Variants in CP observed in about 807,000 individuals in gnomAD.
The protein encoded by CP is ceruloplasmin, also known as caeruloplasmin.
Under a neutral mutation model 122.4 loss-of-function variants are expected in CP, and 64 were observed. The ratio of observed to expected loss-of-function variants is 0.52; its 90% confidence interval spans 0.43 to 0.64. CP has a LOEUF of 0.64. Among genes scored for constraint, CP ranks in the 30% least tolerant of loss-of-function variants. The pLI, the probability that CP is intolerant of heterozygous loss-of-function variation, is 0.00. For missense variants in CP, 1,167 were observed against 1,284.4 expected (o/e 0.91, Z 1.40); for synonymous variants, 440 against 436.4 (o/e 1.01, Z -0.10).
chr3:149,178,153 TC>T (rs1350905817), intron 16 of CP, among the ~76,000 whole-genome samples, 174 bp from the exon 17 acceptor site: 2 of 152,214 alleles, frequency 1.3e-5, no homozygotes, highest in African/African-American at 4.8e-5. Context: ...ACATTGCTTT[TC>T]TAGGCACTTT....
chr3:149,171,999 C>T (rs1725041486), downstream of CP: 2 of 1,267,008 alleles, frequency 1.6e-6, no homozygotes, highest in South Asian at 1.2e-5. Context: ...GCCACCACGC[C>T]TGGCCTGAAC....
intron 7 of CP, among the ~76,000 whole-genome samples, chr3:149,200,282 T>G (rs1403234467): frequency 6.6e-6 from 1 of 152,196 alleles, no homozygotes; most frequent in Non-Finnish European, 1.5e-5. Context: ...AACACTGTTT[T>G]GGATTTTCCA....
chr3:149,179,748 A>G, intron 14 of CP, 86 bp from the exon 15 acceptor site: 1 of 837,500 alleles, frequency 1.2e-6, no homozygotes, highest in Non-Finnish European at 2.0e-6. Flanking sequence ...ACACACACAC[A>G]CAGCCTTGAT....
chr3:149,181,985 AC>A lies in CP; in HGVS notation c.2554+19del, dbSNP rs765748551. 7 of 409,008 alleles carry A rather than the reference AC, an allele frequency of 1.7e-5. No individual in the cohort carries two copies. Among genetic ancestry groups the A allele is most frequent in the Non-Finnish European group, 3.2e-5 (7 of 221,002 alleles). The allele number at this position is 409,008 out of a possible 1,614,324, so 25.3% of individuals were successfully genotyped here. A position where few individuals can be genotyped will look rare whatever the true frequency, so the allele number is the denominator to read the frequency against. On this transcript the variant is annotated intron_variant, in intron 14 of 18. Coordinates refer to ENST00000264613, the MANE Select transcript of CP (RefSeq NM_000096.4). ...CAGCCTGTTAAAATGCACCACCCCC[AC>A]CCCCGCCCCCGTGAGTACCTGGTAA...
At chr3:149,202,352 T>C (rs888201142) in intron 6 of CP, 111 bp from the exon 7 acceptor site, 1 of 1,354,830 alleles carries the variant, frequency 7.4e-7, no homozygotes, top group African/African-American at 1.4e-5. Flanking sequence ...TAGAGATGAA[T>C]ATTATCCATG....
At chr3:149,215,109 T>C (rs756524701) in intron 1 of CP, among the ~76,000 whole-genome samples, 1 of 152,242 alleles carries the variant, frequency 6.6e-6, no homozygotes, top group Non-Finnish European at 1.5e-5. Flanking sequence ...CATGTCCTAT[T>C]GGTACACATC....
chr3:149,198,737 C>T (rs1438205683), intron 8 of CP, among the ~76,000 whole-genome samples, 159 bp from the exon 9 acceptor site: 3 of 152,188 alleles, frequency 2.0e-5, no homozygotes, highest in East Asian at 1.9e-4. Flanking sequence ...GATAACAGAC[C>T]GATGTGATTG....
Position 149,176,429 on chromosome 3 carries a change from A to C in CP, c.3019-17T>G. ...TCCCCTGTGCTTAATTAGAAAAATG[A>C]CAAATAATGTATAATATTGTATATG... On this transcript the variant is annotated splice_polypyrimidine_tract_variant and intron_variant, in intron 17 of 18. Transcript: ENST00000264613. The C allele has an allele frequency of 6.4e-7, 1 of 1,572,122 alleles. No homozygotes were observed. Among genetic ancestry groups the C allele is most frequent in the African/African-American group, 1.3e-5 (1 of 74,166 alleles).
In CP at chr3:149,179,711, T is replaced by TACAC. The variant is rs71304221; in HGVS notation, c.2555-53_2555-50dup. 51,249 of 605,014 alleles carry TACAC rather than the reference T, an allele frequency of 0.085. 1,194 individuals are homozygous for TACAC. The highest frequency in any genetic ancestry group is 0.12 in the African/African-American group (6,132 of 52,232). The allele number at this position is 605,014 out of a possible 1,614,324, so 37.5% of individuals were successfully genotyped here. On this transcript the variant is annotated intron_variant, in intron 14 of 18. Coordinates refer to ENST00000264613, the MANE Select transcript of CP (RefSeq NM_000096.4). ...ATCTGGTTGTATTTGGTTTATATTG[T>TACAC]ACACACACACACACACACACACACA...
At chr3:149,214,978 A>G (rs1230090554) in intron 1 of CP, among the ~76,000 whole-genome samples, 2 of 152,214 alleles carry the variant, frequency 1.3e-5, no homozygotes, top group Non-Finnish European at 1.5e-5. Flanking sequence ...GGAACCCTGG[A>G]CCAATCAATC....
In CP at chr3:149,176,549, A is replaced by G. The variant is rs182657778; in HGVS notation, c.3019-137T>C. On this transcript the variant is annotated intron_variant, in intron 17 of 18. Coordinates refer to ENST00000264613, the MANE Select transcript of CP (RefSeq NM_000096.4). ...AAAAATCGAGCTCGTTTCTGTGTTT[A>G]ATACAAATGGTAAAATGTGGTTTTT... 13 of 698,284 alleles carry G rather than the reference A, an allele frequency of 1.9e-5. No homozygotes were observed. In the East Asian group the frequency reaches 3.0e-4, roughly 16 times the overall value. The allele number at this position is 698,284 out of a possible 1,614,324, so 43.3% of individuals were successfully genotyped here.
downstream of CP, among the ~76,000 whole-genome samples, chr3:149,170,907 G>A (rs1052966533): frequency 6.6e-6 from 1 of 152,124 alleles, no homozygotes; most frequent in African/African-American, 2.4e-5. Context: ...CCGGGAGAGG[G>A]CAGCATGTAT....
At position 149,186,579 on chromosome 3, in the gene CP, T is replaced by C. The variant is rs1726186217; in HGVS notation, c.2018A>G (p.Asp673Gly). 6.2e-7 allele frequency: 1 copy of C among 1,614,072 alleles called. No individual in the cohort carries two copies. Among genetic ancestry groups the C allele is most frequent in the Admixed American group, 1.7e-5 (1 of 60,004 alleles). Residue 673 changes from aspartate (D) to glycine (G), a missense_variant, in exon 11 of 19, where the codon GAC (aspartate) becomes GGC (glycine). This residue lies in a region of CP where 525 missense variants were observed against 657.2 expected (regional missense o/e 0.80). Transcript: ENST00000264613. Reference protein sequence around the residue: ...NTYLWRGERRDTANLFPQTSL... With the variant: ...NTYLWRGERRGTANLFPQTSL... ...TGTTTGAGGGAAGAGGTTTGCTGTGTCTCTCCGTTCTCCTCTCCACAGATA... is the reference window on the plus strand; with the variant it reads ...TGTTTGAGGGAAGAGGTTTGCTGTGCCTCTCCGTTCTCCTCTCCACAGATA...
intron 1 of CP, among the ~76,000 whole-genome samples, chr3:149,216,891 T>C (rs1728489556): frequency 6.6e-6 from 1 of 151,610 alleles, no homozygotes; most frequent in Non-Finnish European, 1.5e-5. Context: ...CTGCACTAGC[T>C]ATTGCTTGCT....
intron 18 of CP, among the ~76,000 whole-genome samples, chr3:149,174,342 T>C (rs1026977060): frequency 6.6e-6 from 1 of 152,170 alleles, no homozygotes; most frequent in Admixed American, 6.6e-5. Flanking sequence ...ATTTCGATCA[T>C]TGTATTGTGG....
chr3:149,185,142 C>CTT (rs199855004), intron 12 of CP, 97 bp downstream of exon 12: 731 of 882,684 alleles, frequency 8.3e-4, no homozygotes, highest in South Asian at 1.1e-3. Context: ...TTTAATGCAA[C>CTT]TTTTTTTTTT....
intron 9 of CP, among the ~76,000 whole-genome samples, chr3:149,196,145 G>T (rs1726885249): frequency 6.6e-6 from 1 of 152,140 alleles, no homozygotes; most frequent in South Asian, 2.1e-4. Flanking sequence ...TAATCATATT[G>T]TTGATTGTAG....
At chr3:149,166,514 A>T (rs1490578665) in intron 4 of CP, among the ~76,000 whole-genome samples, 1 of 152,082 alleles carries the variant, frequency 6.6e-6, no homozygotes, top group African/African-American at 2.4e-5. Context: ...TTGTATTGAA[A>T]TTTTTTTACT....
chr3:149,200,386 T>C (rs1322931341), intron 7 of CP, among the ~76,000 whole-genome samples: 1 of 152,216 alleles, frequency 6.6e-6, no homozygotes, highest in Non-Finnish European at 1.5e-5. Flanking sequence ...ATAGAGAGTT[T>C]CCTATCTGTT....
Sources: allele counts gnomAD v4.1 joint callset (sites outside exome capture counted in the v4.1 genomes callset), GRCh38; gene constraint gnomAD v4.1.1; regional missense constraint gnomAD v4.1.1; transcripts MANE v1.5; gene names NCBI Gene and HGNC (gene_info 2026-07-23, HGNC 2026-07-21).